The following OSMR variants were observed in gnomAD, a reference collection of about 807,000 sequenced individuals.
The protein encoded by OSMR is oncostatin-M-specific receptor subunit beta.
In OSMR, 81 loss-of-function variants were observed where a neutral mutation model predicts 99.9. That is an observed-to-expected ratio of 0.81 (90% CI 0.68 to 0.97). The LOEUF is 0.97. OSMR is among the 50% of genes least tolerant of loss of function. The pLI, the probability that OSMR is intolerant of heterozygous loss-of-function variation, is 0.00. For missense variants in OSMR, 1,099 were observed against 1,153.4 expected, an observed-to-expected ratio of 0.95 and a Z score of 0.68; for synonymous variants, 406 against 410.4, an observed-to-expected ratio of 0.99 and a Z score of 0.13.
chr5:38,936,295 C>T (rs954777937), downstream of OSMR, among the ~76,000 whole-genome samples: 1 of 152,016 alleles, frequency 6.6e-6, no homozygotes, highest in Non-Finnish European at 1.5e-5. Context: ...TCTGAGTTCT[C>T]TAAATAAGCT....
chr5:38,903,832 T>C lies in OSMR; in HGVS notation c.992-50T>C, dbSNP rs760175539. The C allele has an allele frequency of 1.8e-5, 29 of 1,581,102 alleles. No individual in the cohort carries two copies. The South Asian group carries it at 3.2e-4, about 18-fold the overall frequency. ...AATAAACTGCCTATTACCAATGTCT[T>C]TTTGGATCTATGCTTGAATTTTTTT... is the stretch of plus-strand genomic sequence containing the variant. On this transcript the variant is annotated intron_variant, in intron 7 of 17. Transcript: ENST00000274276.
chr5:38,943,478 T>TA (rs892319334), intron 1 of OSMR, among the ~76,000 whole-genome samples: 9 of 151,982 alleles, frequency 5.9e-5, no homozygotes, highest in Admixed American at 5.9e-4. Flanking sequence ...GGGACCCTGA[T>TA]ACCTATGTGG....
intron 1 of OSMR, among the ~76,000 whole-genome samples, chr5:38,862,339 G>A (rs1741483122): frequency 9.4e-6 from 1 of 106,286 alleles, no homozygotes; most frequent in African/African-American, 3.9e-5. Context: ...GCCGGGCAGA[G>A]GGGCTCCTCA....
chr5:38,945,088 T>G (rs1748032972), exon 3 of OSMR: 8 of 1,554,790 alleles, frequency 5.1e-6, no homozygotes, highest in African/African-American at 1.4e-5. Flanking sequence ...AAAATAATTA[T>G]TTCAATTAAA....
chr5:38,885,211 G>C, intron 5 of OSMR, 138 bp from the exon 6 acceptor site: 1 of 1,512,172 alleles, frequency 6.6e-7, no homozygotes, highest in Non-Finnish European at 8.8e-7. Flanking sequence ...GGAGGCTGTT[G>C]ATAGGTAGCC....
chr5:38,930,921 T>TGTGC (rs1746704174), intron 15 of OSMR, among the ~76,000 whole-genome samples: 1 of 2,148 alleles, frequency 4.7e-4, no homozygotes, highest in South Asian at 0.014. Flanking sequence ...AGAAGCATTT[T>TGTGC]GTGTGTGTGT....
chr5:38,918,839 G>A lies in OSMR; in HGVS notation c.1363-1G>A. 6.2e-7 allele frequency: 1 copy of A among 1,613,514 alleles called. No homozygotes were observed. The highest frequency in any genetic ancestry group is 8.5e-7 in the Non-Finnish European group (1 of 1,179,620). On this transcript the variant is annotated splice_acceptor_variant, in intron 10 of 17. Coordinates refer to ENST00000274276, the MANE Select transcript of OSMR (RefSeq NM_003999.3). LOFTEE classifies it high-confidence loss of function. ...AAAATGTTTATCAATATTTTTTTCA[G>A]CCATTATCAAAACTGCATGCCAATG...
downstream of OSMR, among the ~76,000 whole-genome samples, chr5:38,937,069 C>T (rs377256513): frequency 1.6e-3 from 238 of 152,316 alleles, 1 homozygote; most frequent in African/African-American, 5.5e-3. The surrounding 1 kb of genome is among the most constrained non-coding windows in gnomAD (Gnocchi z 4.0). Context: ...GACTCTTGCT[C>T]TGTCGCCCAG....
intron 3 of OSMR, among the ~76,000 whole-genome samples, chr5:38,880,656 A>G (rs547419811): frequency 3.5e-4 from 54 of 152,334 alleles, no homozygotes; most frequent in African/African-American, 1.3e-3. Flanking sequence ...GAAGACACCA[A>G]ACCAAAGACA....
Position 38,873,092 on chromosome 5 carries a change from C to G in OSMR, c.74-3109C>G, listed in dbSNP as rs112980747. Among the ~76,000 whole-genome samples the G allele has an allele frequency of 1.5e-3, 222 of 152,366 alleles. 1 individual carries two copies. The highest frequency in any genetic ancestry group is 2.5e-3 in the Non-Finnish European group (172 of 68,034). On this transcript the variant is annotated intron_variant, in intron 2 of 17. Coordinates refer to ENST00000274276, the MANE Select transcript of OSMR (RefSeq NM_003999.3). The stretch of plus-strand genomic sequence containing the variant: ...GGAAACCACTGCTTAAGCAGTTAGT[C>G]TTGATTCCCCTCTCTCTCAGCCCCT...
At chr5:38,907,532 C>T (rs1745321756) in intron 9 of OSMR, among the ~76,000 whole-genome samples, 1 of 152,196 alleles carries the variant, frequency 6.6e-6, no homozygotes, top group African/African-American at 2.4e-5. Context: ...GGAGAATGGT[C>T]TTACCCATGA....
In OSMR at chr5:38,917,533, T is replaced by C; in HGVS notation, c.1286-13T>C. 1 of 1,612,756 alleles carries C rather than the reference T, an allele frequency of 6.2e-7. No individual in the cohort carries two copies. The highest frequency in any genetic ancestry group is 8.5e-7 in the Non-Finnish European group (1 of 1,178,932). On this transcript the variant is annotated splice_polypyrimidine_tract_variant and intron_variant, in intron 9 of 17. Transcript: ENST00000274276. Reference sequence around the variant, plus strand: ...ATATTGTGACTCAAGAACTTTTCTTTGGTTAATTTCAGCTCCCTCAGAGGC... The same window carrying C: ...ATATTGTGACTCAAGAACTTTTCTTCGGTTAATTTCAGCTCCCTCAGAGGC...
intron 7 of OSMR, 190 bp from the exon 8 acceptor site, chr5:38,903,692 G>A (rs1426726701): frequency 2.7e-6 from 2 of 731,878 alleles, no homozygotes; most frequent in Non-Finnish European, 3.3e-6. Context: ...AATGCATGCA[G>A]TAGAATCATT....
intron 7 of OSMR, among the ~76,000 whole-genome samples, chr5:38,894,158 T>C (rs1466670552): frequency 6.6e-6 from 1 of 152,190 alleles, no homozygotes; most frequent in Non-Finnish European, 1.5e-5. Context: ...AGACCAACCT[T>C]ACAAGAAATC....
chr5:38,925,171 T>G, intron 14 of OSMR, 33 bp from the exon 15 acceptor site: 1 of 1,612,636 alleles, frequency 6.2e-7, no homozygotes, highest in Non-Finnish European at 8.5e-7. Flanking sequence ...ATCTTTTTTT[T>G]CCTTGAAAAA....
intron 15 of OSMR, among the ~76,000 whole-genome samples, chr5:38,925,585 C>T (rs919058104): frequency 2.6e-5 from 4 of 152,202 alleles, no homozygotes; most frequent in African/African-American, 9.7e-5. Flanking sequence ...TAGAGGTAAT[C>T]TGTCTGATTA....
At chr5:38,890,235 A>G (rs151029570) in intron 7 of OSMR, among the ~76,000 whole-genome samples, 2 of 152,328 alleles carry the variant, frequency 1.3e-5, no homozygotes, top group African/African-American at 4.8e-5. Flanking sequence ...GGAGCTTTGT[A>G]GAAGTGCAGA....
rs776880482 is a variant in OSMR, at chr5:38,923,136, CT to C, written c.1766-7del. 1.9e-6 allele frequency: 3 copies of C among 1,611,918 alleles called. No individual in the cohort carries two copies. The highest frequency in any genetic ancestry group is 1.3e-5 in the African/African-American group (1 of 74,826). ...CATTCTGTTATTAAAAATCTGTTGA[CT>C]TTTTTTCCCTAGATGCTTTTAGGCC... On this transcript the variant is annotated splice_polypyrimidine_tract_variant and intron_variant, in intron 12 of 17. Coordinates refer to ENST00000274276, the MANE Select transcript of OSMR (RefSeq NM_003999.3).
chr5:38,938,134 ACT>A, downstream of OSMR: 1 of 213,630 alleles, frequency 4.7e-6, no homozygotes. Context: ...AAATATAAAT[ACT>A]TTTTCTTTCT....
Sources: allele counts gnomAD v4.1 joint callset (sites outside exome capture counted in the v4.1 genomes callset), GRCh38; gene constraint gnomAD v4.1.1; non-coding constraint Gnocchi (gnomAD v3.1); transcripts MANE v1.5; gene names NCBI Gene and HGNC (gene_info 2026-07-23, HGNC 2026-07-21).